Variants in BTBD8 observed in about 807,000 individuals in gnomAD.
BTBD8 encodes BTB/POZ domain-containing protein 8.
A neutral mutation model predicts 162.9 loss-of-function variants in BTBD8; 110 were observed. That is an observed-to-expected ratio of 0.68 (90% CI 0.58 to 0.79). The LOEUF (loss-of-function observed/expected upper bound fraction) is 0.79. Ranked by LOEUF, BTBD8 falls within the 30% of genes least tolerant of loss-of-function variation. BTBD8 has a pLI of 0.00. For synonymous variants in BTBD8, 667 were observed against 716.1 expected, an observed-to-expected ratio of 0.93 and a Z score of 1.10; for missense variants, 1,905 against 2,085.4, an observed-to-expected ratio of 0.91 and a Z score of 1.68.
intron 13 of BTBD8, among the ~76,000 whole-genome samples, chr1:92,175,366 C>T (rs1650679609): frequency 6.8e-6 from 1 of 146,110 alleles, no homozygotes; most frequent in Non-Finnish European, 1.5e-5. Flanking sequence ...GTAGTCCCAG[C>T]TACTCGGGAG....
intron 4 of BTBD8, among the ~76,000 whole-genome samples, chr1:92,119,330 G>A (rs1482281966): frequency 7.0e-6 from 1 of 141,944 alleles, no homozygotes; most frequent in East Asian, 2.0e-4. Context: ...CTGTCATCCA[G>A]GCTGGAGTAC....
intron 11 of BTBD8, 125 bp downstream of exon 11, chr1:92,168,110 G>T: frequency 1.4e-6 from 1 of 698,032 alleles, no homozygotes; most frequent in Non-Finnish European, 2.1e-6. Context: ...GGTGGATTAA[G>T]GTCTCTACTT....
intron 3 of BTBD8, among the ~76,000 whole-genome samples, chr1:92,102,971 C>T (rs1648629977): frequency 6.6e-6 from 1 of 151,884 alleles, no homozygotes; most frequent in Admixed American, 6.6e-5. Flanking sequence ...TGTTTCACAC[C>T]CTAACAAAAA....
At chr1:92,107,716 G>A (rs995833457) in intron 3 of BTBD8, among the ~76,000 whole-genome samples, 168 bp from the exon 4 acceptor site, 1 of 152,070 alleles carries the variant, frequency 6.6e-6, no homozygotes, top group Non-Finnish European at 1.5e-5. Context: ...ATATTTCAAA[G>A]GAGAAAGTCT....
intron 9 of BTBD8, 93 bp from the exon 10 acceptor site, chr1:92,166,865 C>T: frequency 7.8e-7 from 1 of 1,281,032 alleles, no homozygotes; most frequent in Non-Finnish European, 1.0e-6. Flanking sequence ...TTGCAGGAAA[C>T]ATCCCATAAC....
rs2100694454 is a variant in BTBD8, at chr1:92,181,987, A to G, written c.4304A>G (p.Lys1435Arg). The G allele has an allele frequency of 6.4e-7, 1 of 1,551,636 alleles. No homozygotes were observed. Among genetic ancestry groups the G allele is most frequent in the South Asian group, 1.2e-5 (1 of 84,040 alleles). ...CREFSATKKF[K>R]RSVLLSVDEC... ...GAATTTTCTGCAACTAAAAAGTTTA[A>G]AAGGTCAGTTTTACTTTCAGTCGAT... is the stretch of plus-strand genomic sequence containing the variant. Residue 1435 changes from lysine to arginine, a missense_variant, in exon 17 of 18, where the codon AAA (lysine) becomes AGA (arginine). Lys to Arg is a conservative substitution (Grantham distance 26). Around this residue, in one of 3 missense-constraint regions of BTBD8, gnomAD observed 517 missense variants for 606.6 expected, o/e 0.85. Transcript: ENST00000636805.
intron 4 of BTBD8, chr1:92,126,380 G>T: frequency 1.5e-6 from 1 of 685,132 alleles, no homozygotes; most frequent in Non-Finnish European, 2.6e-6. Flanking sequence ...AGCTGGACCA[G>T]CCTAGATTTG....
chr1:92,118,990 A>G (rs1649121240), intron 4 of BTBD8, among the ~76,000 whole-genome samples: 1 of 151,418 alleles, frequency 6.6e-6, no homozygotes. Flanking sequence ...ACCTATCTAC[A>G]TGGGGCACTT....
In BTBD8 at chr1:92,163,611, G is replaced by T. The variant is rs182257178; in HGVS notation, c.1123-3347G>T. Among the ~76,000 whole-genome samples, 42 of 151,342 alleles carry T rather than the reference G, an allele frequency of 2.8e-4. No individual in the cohort carries two copies. In the East Asian group the frequency reaches 6.2e-3, roughly 22 times the overall value. On this transcript the variant is annotated intron_variant, in intron 9 of 17. Transcript: ENST00000636805. Reference sequence around the variant, plus strand: ...TTTTTTAGCAATAGCAAGGTTTATTGTTTATTGTGAAGAGCGAAAGGACAA... The same window carrying T: ...TTTTTTAGCAATAGCAAGGTTTATTTTTTATTGTGAAGAGCGAAAGGACAA...
intron 9 of BTBD8, among the ~76,000 whole-genome samples, chr1:92,157,125 G>A (rs1360304466): frequency 6.6e-6 from 1 of 151,344 alleles, no homozygotes; most frequent in African/African-American, 2.4e-5. Context: ...TTGTATTGTT[G>A]TTTTTGTTTG....
At chr1:92,168,454 T>A (rs919767973) in intron 11 of BTBD8, among the ~76,000 whole-genome samples, 1 of 152,206 alleles carries the variant, frequency 6.6e-6, no homozygotes, top group Non-Finnish European at 1.5e-5. Flanking sequence ...TATTTATTTT[T>A]AAATACAATT....
chr1:92,102,523 T>G lies in BTBD8; in HGVS notation c.398T>G (p.Leu133Arg). 6.4e-7 allele frequency: 1 copy of G among 1,567,018 alleles called. No homozygotes were observed. The highest frequency in any genetic ancestry group is 8.6e-7 in the Non-Finnish European group (1 of 1,159,632). ...RNIKNYEEEI[L>R]RKKIMEIGIS... ...ATAAAAAACTATGAAGAGGAAATTC[T>G]TAGGAAAAAGATAATGGAGATTGGG... The change falls in exon 3 of 18, where the codon CTT (leucine) becomes CGT (arginine). Residue 133 changes from leucine (L) to arginine (R), a missense_variant. Coordinates refer to ENST00000636805, the MANE Select transcript of BTBD8 (RefSeq NM_001376131.1).
chr1:92,129,588 A>G (rs999609284), intron 4 of BTBD8, 99 bp from the exon 5 acceptor site: 2 of 878,498 alleles, frequency 2.3e-6, no homozygotes, highest in Non-Finnish European at 3.7e-6. Context: ...CAAATAGATT[A>G]TTGTGTTTTA....
At chr1:92,127,247 T>C (rs1320570803) in intron 4 of BTBD8, among the ~76,000 whole-genome samples, 1 of 152,196 alleles carries the variant, frequency 6.6e-6, no homozygotes, top group Non-Finnish European at 1.5e-5. Context: ...TGATTAGACC[T>C]TTATCCAGCT....
intron 13 of BTBD8, among the ~76,000 whole-genome samples, chr1:92,174,054 G>A (rs1650633451): frequency 6.6e-6 from 1 of 152,010 alleles, no homozygotes; most frequent in Non-Finnish European, 1.5e-5. Context: ...TATGATATCT[G>A]GGATTTGCTT....
At chr1:92,172,950 A>G (rs541669460) in intron 13 of BTBD8, among the ~76,000 whole-genome samples, 84 of 152,196 alleles carry the variant, frequency 5.5e-4, no homozygotes, top group African/African-American at 2.0e-3. Context: ...TTTGAGACGG[A>G]GTTTCGCTCT....
intron 7 of BTBD8, among the ~76,000 whole-genome samples, chr1:92,144,373 G>T (rs962864648): frequency 5.9e-5 from 9 of 152,116 alleles, no homozygotes; most frequent in African/African-American, 2.2e-4. Context: ...GTGATGGGCA[G>T]TCGGCCCCAG....
intron 9 of BTBD8, among the ~76,000 whole-genome samples, chr1:92,151,512 T>C (rs923995452): frequency 6.6e-6 from 1 of 152,200 alleles, no homozygotes; most frequent in Non-Finnish European, 1.5e-5. Context: ...CAGGTTCATT[T>C]CCTAATGTAG....
At chr1:92,148,086 C>G (rs1312630309) in intron 9 of BTBD8, among the ~76,000 whole-genome samples, 1 of 152,136 alleles carries the variant, frequency 6.6e-6, no homozygotes, top group South Asian at 2.1e-4. Flanking sequence ...TATTGACCCA[C>G]TCACCCAGGT....
Sources: allele counts gnomAD v4.1 joint callset (sites outside exome capture counted in the v4.1 genomes callset), GRCh38; gene constraint gnomAD v4.1.1; regional missense constraint gnomAD v4.1.1; transcripts MANE v1.5; gene names NCBI Gene and HGNC (gene_info 2026-07-23, HGNC 2026-07-21).